PHACTR1: variants seen among roughly 807,000 people sequenced by gnomAD.
PHACTR1 encodes the protein RPEL repeat containing 1.
In PHACTR1, 16 loss-of-function variants were observed where a neutral mutation model predicts 69.2. The ratio of observed to expected loss-of-function variants is 0.23; its 90% CI spans 0.16 to 0.35. The LOEUF is 0.35. Among genes scored for constraint, PHACTR1 ranks in the 10% least tolerant of loss-of-function variants. PHACTR1 has a pLI of 1.00. For missense variants in PHACTR1, 510 were observed against 734.7 expected (o/e 0.69, Z 3.54); for synonymous variants, 312 against 284.5 (o/e 1.10, Z -0.97).
At chr6:12,863,929 C>G (rs1364855659) in intron 4 of PHACTR1, among the ~76,000 whole-genome samples, 3 of 152,076 alleles carry the variant, frequency 2.0e-5, no homozygotes, top group African/African-American at 7.2e-5. Context: ...GATTAACTTA[C>G]AGCAGACGTA....
intron 4 of PHACTR1, among the ~76,000 whole-genome samples, chr6:12,788,173 A>C (rs1416113420): frequency 1.3e-5 from 2 of 151,760 alleles, no homozygotes; most frequent in Non-Finnish European, 2.9e-5. Flanking sequence ...AAAAAAAAAA[A>C]AAAACACCTC....
chr6:12,805,654 G>C (rs1030660544), intron 4 of PHACTR1, among the ~76,000 whole-genome samples: 1 of 151,050 alleles, frequency 6.6e-6, no homozygotes, highest in Non-Finnish European at 1.5e-5. Context: ...AGGCTGGAGT[G>C]CAATGGCAAG....
intron 7 of PHACTR1, among the ~76,000 whole-genome samples, chr6:13,193,357 G>GTA (rs56305254): frequency 0.054 from 3,651 of 68,058 alleles, 328 homozygotes; most frequent in African/African-American, 0.1. Context: ...AGCTCTCTGT[G>GTA]TATATATATA....
At chr6:12,865,801 A>G (rs1781398142) in intron 4 of PHACTR1, among the ~76,000 whole-genome samples, 1 of 152,140 alleles carries the variant, frequency 6.6e-6, no homozygotes. Context: ...TGGGGGATTC[A>G]TTTCTTGCAT....
At chr6:13,168,153 T>C (rs1760086106) in intron 6 of PHACTR1, among the ~76,000 whole-genome samples, 1 of 152,242 alleles carries the variant, frequency 6.6e-6, no homozygotes, top group African/African-American at 2.4e-5. Flanking sequence ...AGTAACCATG[T>C]GAAAATGAAA....
chr6:12,789,396 A>G (rs1307233992), intron 4 of PHACTR1, among the ~76,000 whole-genome samples: 2 of 151,982 alleles, frequency 1.3e-5, no homozygotes, highest in African/African-American at 4.8e-5. Flanking sequence ...ATTTTTTTTT[A>G]ACATTGGAGT....
intron 5 of PHACTR1, among the ~76,000 whole-genome samples, chr6:13,057,362 T>C (rs2127743811): frequency 6.6e-6 from 1 of 152,348 alleles, no homozygotes; most frequent in Admixed American, 6.5e-5. Context: ...GTCTATATCA[T>C]ATCCTTTCAT....
At chr6:13,247,326 C>CGTGTGTGTGTGTGTGT (rs60972913) in intron 10 of PHACTR1, among the ~76,000 whole-genome samples, 26 of 139,088 alleles carry the variant, frequency 1.9e-4, no homozygotes, top group African/African-American at 5.9e-4. Flanking sequence ...CAAGTTCCCT[C>CGTGTGTGTGTGTGTGT]GTGTGTGTGT....
chr6:13,202,772 C>T (rs1290411209), intron 7 of PHACTR1, among the ~76,000 whole-genome samples: 2 of 152,338 alleles, frequency 1.3e-5, no homozygotes, highest in South Asian at 2.1e-4. Flanking sequence ...CCACCGCGCC[C>T]GCCTGCACTG....
intron 7 of PHACTR1, chr6:13,185,051 A>G: frequency 3.1e-6 from 4 of 1,290,626 alleles, no homozygotes; most frequent in Non-Finnish European, 4.1e-6. Context: ...CCTTCCCTTC[A>G]AGGGATTTTC....
At chr6:13,254,205 G>A (rs1774875578) in intron 10 of PHACTR1, among the ~76,000 whole-genome samples, 1 of 151,860 alleles carries the variant, frequency 6.6e-6, no homozygotes. Flanking sequence ...TCCAGCCTGG[G>A]CAACAGAGCA....
At chr6:13,012,494 TGAC>T (rs1799552983) in intron 4 of PHACTR1, among the ~76,000 whole-genome samples, 2 of 152,236 alleles carry the variant, frequency 1.3e-5, no homozygotes, top group African/African-American at 4.8e-5. Context: ...GACAAGGGTG[TGAC>T]TCAGAGTGAA....
chr6:13,053,486 A>G lies in PHACTR1; in HGVS notation c.372A>G (p.Lys124=), dbSNP rs1806298723. ...TGGGAAGGATTTTCAAGCCTTGGAA[A>G]TGGAGGAAGAAGAAAAGCGAAAAGT... ...ANLGRIFKPW[K]WRKKKSEKFK... Residue 124 remains lysine, a synonymous_variant, in exon 5 of 15, where the codon AAA becomes AAG. Coordinates refer to ENST00000332995, the MANE Select transcript of PHACTR1 (RefSeq NM_030948.6). 6.2e-7 allele frequency: 1 copy of G among 1,613,928 alleles called. No individual in the cohort carries two copies. The highest frequency in any genetic ancestry group is 8.5e-7 in the Non-Finnish European group (1 of 1,179,878).
At chr6:13,042,330 A>G (rs901725822) in intron 4 of PHACTR1, among the ~76,000 whole-genome samples, 1 of 152,238 alleles carries the variant, frequency 6.6e-6, no homozygotes, top group African/African-American at 2.4e-5. Flanking sequence ...GGCAGGCAGC[A>G]CTGAAGTATG....
At chr6:13,122,399 G>C (rs1818873273) in intron 5 of PHACTR1, among the ~76,000 whole-genome samples, 1 of 152,202 alleles carries the variant, frequency 6.6e-6, no homozygotes, top group Non-Finnish European at 1.5e-5. Flanking sequence ...CTCCACACCT[G>C]ATCTCAGAAG....
At chr6:12,932,436 C>T (rs532717940) in intron 4 of PHACTR1, among the ~76,000 whole-genome samples, 1 of 152,318 alleles carries the variant, frequency 6.6e-6, no homozygotes, top group African/African-American at 2.4e-5. Flanking sequence ...TCCTTGTTAT[C>T]TACTTCCAAT....
chr6:13,159,916 G>A (rs1758735018), intron 5 of PHACTR1, among the ~76,000 whole-genome samples: 1 of 152,128 alleles, frequency 6.6e-6, no homozygotes. Flanking sequence ...CTCCAGCCTG[G>A]GCAACAGAGT....
chr6:12,887,399 C>T (rs1436632289), intron 4 of PHACTR1, among the ~76,000 whole-genome samples: 1 of 152,152 alleles, frequency 6.6e-6, no homozygotes, highest in Non-Finnish European at 1.5e-5. Flanking sequence ...GCTCACATGC[C>T]CCTGTTCTTC....
chr6:13,174,741 CCT>C (rs1205247566), intron 6 of PHACTR1, among the ~76,000 whole-genome samples: 5 of 151,770 alleles, frequency 3.3e-5, no homozygotes, highest in African/African-American at 9.7e-5. Flanking sequence ...TCTCCCCCTC[CCT>C]CTCTCTTACC....
Sources: allele counts gnomAD v4.1 joint callset (sites outside exome capture counted in the v4.1 genomes callset), GRCh38; gene constraint gnomAD v4.1.1; transcripts MANE v1.5; gene names NCBI Gene and HGNC (gene_info 2026-07-23, HGNC 2026-07-21).